Variants in PAK5 observed in about 807,000 individuals in gnomAD.
The protein encoded by PAK5 is p21 (RAC1) activated kinase 5, also known as serine/threonine-protein kinase PAK 5.
PAK5 carries 16 observed loss-of-function variants against 65.9 expected under a neutral mutation model. The observed-to-expected ratio is 0.24, with a 90% CI of 0.16 to 0.37. PAK5 has a LOEUF of 0.37. Ranked by LOEUF, PAK5 falls within the 10% of genes least tolerant of loss-of-function variation. PAK5 has a pLI of 1.00. For synonymous variants in PAK5, 371 were observed against 354.9 expected (o/e 1.05, Z -0.51); for missense variants, 785 against 903.9 (o/e 0.87, Z 1.69).
intron 6 of PAK5, 22 bp from the exon 7 acceptor site, chr20:9,557,756 A>T: frequency 6.2e-7 from 1 of 1,605,196 alleles, no homozygotes; most frequent in South Asian, 1.1e-5. Flanking sequence ...ATAACATTTA[A>T]GGAACAAGAC....
At chr20:9,633,931 C>T (rs1332745838) in intron 3 of PAK5, among the ~76,000 whole-genome samples, 1 of 152,136 alleles carries the variant, frequency 6.6e-6, no homozygotes, top group African/African-American at 2.4e-5. Context: ...TTTGTGTTTA[C>T]CTTGGTCTTG....
chr20:9,666,933 G>A (rs1042572179), intron 2 of PAK5, among the ~76,000 whole-genome samples: 2 of 152,176 alleles, frequency 1.3e-5, no homozygotes, highest in African/African-American at 4.8e-5. Flanking sequence ...AGCCAGGGCA[G>A]AGTGTGATAG....
At chr20:9,809,674 T>A (rs2049275556) in intron 1 of PAK5, among the ~76,000 whole-genome samples, 1 of 152,194 alleles carries the variant, frequency 6.6e-6, no homozygotes, top group Non-Finnish European at 1.5e-5. Flanking sequence ...ACTATTCACA[T>A]CCCACCTTCC....
At chr20:9,600,786 C>T (rs1269914387) in intron 3 of PAK5, among the ~76,000 whole-genome samples, 1 of 152,186 alleles carries the variant, frequency 6.6e-6, no homozygotes, top group African/African-American at 2.4e-5. Context: ...CTGTTCTCTC[C>T]CACCTCCCCT....
At chr20:9,637,753 T>G (rs1353350575) in intron 3 of PAK5, among the ~76,000 whole-genome samples, 4 of 152,166 alleles carry the variant, frequency 2.6e-5, no homozygotes, top group Non-Finnish European at 4.4e-5. Context: ...AACTCACATA[T>G]GCCGAATAAA....
At chr20:9,664,979 T>A (rs2047394742) in intron 2 of PAK5, among the ~76,000 whole-genome samples, 1 of 151,832 alleles carries the variant, frequency 6.6e-6, no homozygotes, top group Non-Finnish European at 1.5e-5. Context: ...CAGGCTAGAG[T>A]CATGATCATG....
At chr20:9,798,379 G>A (rs569918575) in intron 1 of PAK5, among the ~76,000 whole-genome samples, 1 of 152,256 alleles carries the variant, frequency 6.6e-6, no homozygotes, top group East Asian at 1.9e-4. Context: ...ACTACTGAAT[G>A]TAGAGGTTAG....
intron 1 of PAK5, among the ~76,000 whole-genome samples, chr20:9,797,995 A>T (rs2049125087): frequency 6.6e-6 from 1 of 152,146 alleles, no homozygotes. Flanking sequence ...CCATTTAGAG[A>T]AGGCTGTTCT....
intron 1 of PAK5, among the ~76,000 whole-genome samples, chr20:9,776,434 G>A (rs1003737201): frequency 1.3e-5 from 2 of 152,144 alleles, no homozygotes; most frequent in African/African-American, 4.8e-5. Flanking sequence ...GGAGTATGGT[G>A]GCTTTAAGTT....
chr20:9,682,642 G>C (rs1196966323), intron 2 of PAK5, among the ~76,000 whole-genome samples: 1 of 152,180 alleles, frequency 6.6e-6, no homozygotes, highest in Admixed American at 6.5e-5. Context: ...CCAAGGTCCT[G>C]GGGAAAGGGA....
chr20:9,634,558 A>G (rs1318021089), intron 3 of PAK5, among the ~76,000 whole-genome samples: 1 of 152,216 alleles, frequency 6.6e-6, no homozygotes, highest in Admixed American at 6.5e-5. Context: ...GGTGTGAGAA[A>G]GAGACATTTA....
At position 9,563,996 on chromosome 20, in the gene PAK5, TG is replaced by T. The variant is rs751074158; in HGVS notation, c.1483-973del. Among the ~76,000 whole-genome samples the T allele has an allele frequency of 8.5e-5, 13 of 152,288 alleles. No individual in the cohort carries two copies. In the East Asian group the frequency reaches 2.5e-3, roughly 29 times the overall value. On this transcript the variant is annotated intron_variant, in intron 5 of 9. Transcript: ENST00000353224. The stretch of plus-strand genomic sequence containing the variant: ...AAACACCTTCTTACTTCTCAGAGAA[TG>T]GGAGTCCTTACAATAGAAAGACAAA...
intron 6 of PAK5, among the ~76,000 whole-genome samples, chr20:9,559,552 A>G (rs1041805418): frequency 6.6e-6 from 1 of 152,198 alleles, no homozygotes; most frequent in Non-Finnish European, 1.5e-5. Flanking sequence ...GCCTGAGGTC[A>G]GGAGTTCGAG....
intron 4 of PAK5, chr20:9,577,744 C>G (rs1296279026): frequency 1.8e-4 from 28 of 152,220 alleles, no homozygotes; most frequent in Non-Finnish European, 2.9e-5. Context: ...ATGAATCTCT[C>G]ACGAGTTTCC....
chr20:9,790,758 C>A (rs1187825767), intron 1 of PAK5, among the ~76,000 whole-genome samples: 1 of 152,106 alleles, frequency 6.6e-6, no homozygotes, highest in African/African-American at 2.4e-5. Flanking sequence ...CTCGGCCTCC[C>A]AAAGTGCTGG....
chr20:9,684,670 A>T (rs1158245270), intron 2 of PAK5, among the ~76,000 whole-genome samples: 2 of 152,130 alleles, frequency 1.3e-5, no homozygotes, highest in South Asian at 2.1e-4. Context: ...TCTCCACTTC[A>T]ATCAAAAAAA....
intron 1 of PAK5, among the ~76,000 whole-genome samples, chr20:9,743,601 T>C (rs992684416): frequency 4.3e-4 from 65 of 152,234 alleles, no homozygotes; most frequent in African/African-American, 1.4e-3. Context: ...CCTTCAGAAA[T>C]AGACGTTGGA....
chr20:9,643,433 A>G (rs972835282), intron 3 of PAK5, among the ~76,000 whole-genome samples: 2 of 152,184 alleles, frequency 1.3e-5, no homozygotes, highest in Non-Finnish European at 2.9e-5. Flanking sequence ...AATTACTTTT[A>G]TGAGCATTTA....
chr20:9,717,375 T>C (rs186169058), intron 1 of PAK5, among the ~76,000 whole-genome samples: 1 of 152,330 alleles, frequency 6.6e-6, no homozygotes, highest in African/African-American at 2.4e-5. Context: ...AAATGGCCTA[T>C]GCAGAGTACC....
Sources: gnomAD v4.1 joint callset for allele counts (sites outside exome capture counted in the v4.1 genomes callset) on GRCh38, gnomAD v4.1.1 for gene constraint, MANE v1.5 for transcripts, NCBI Gene and HGNC (gene_info 2026-07-23, HGNC 2026-07-21) for gene names.